PTPRB: variants seen among roughly 807,000 people sequenced by gnomAD.
PTPRB encodes the protein receptor-type tyrosine-protein phosphatase beta.
Under a neutral mutation model 238.1 loss-of-function variants are expected in PTPRB, and 97 were observed. That is an observed-to-expected ratio of 0.41 (90% confidence interval 0.35 to 0.48). The LOEUF (loss-of-function observed/expected upper bound fraction) is 0.48, where lower values mean the gene tolerates loss of function less well. Among genes scored for constraint, PTPRB ranks in the 20% least tolerant of loss-of-function variants. PTPRB has a pLI of 0.30. For missense variants in PTPRB, 2,292 were observed against 2,681.9 expected, an observed-to-expected ratio of 0.85 and a Z score of 3.21; for synonymous variants, 970 against 995.4, an observed-to-expected ratio of 0.97 and a Z score of 0.48.
intron 21 of PTPRB, among the ~76,000 whole-genome samples, chr12:70,549,140 G>A (rs1343137466): frequency 6.6e-6 from 1 of 152,142 alleles, no homozygotes; most frequent in African/African-American, 2.4e-5. Flanking sequence ...GCAATAAAAT[G>A]TGCTGAATAT....
intron 23 of PTPRB, 115 bp from the exon 24 acceptor site, chr12:70,540,137 TAC>T: frequency 2.4e-6 from 2 of 835,326 alleles, no homozygotes; most frequent in East Asian, 2.7e-5. Context: ...TCAGTATTCA[TAC>T]AGATTTGCAC....
At chr12:70,633,074 G>A (rs1391239626) in intron 2 of PTPRB, among the ~76,000 whole-genome samples, 1 of 152,174 alleles carries the variant, frequency 6.6e-6, no homozygotes, top group East Asian at 1.9e-4. Context: ...TTCTTTCATG[G>A]AAGAACACAC....
At chr12:70,539,507 A>G (rs896721547) in intron 26 of PTPRB, 118 bp downstream of exon 26, 4 of 797,072 alleles carry the variant, frequency 5.0e-6, no homozygotes, top group Admixed American at 4.9e-5. Context: ...CTCAGCTGAG[A>G]TTCTAAGCAG....
rs1262130905 is a variant in PTPRB at position 70,555,876 on chromosome 12, T to G, written c.4987A>C (p.Ile1663Leu). The G allele has an allele frequency of 6.2e-7, 1 of 1,612,282 alleles. No homozygotes were observed. The highest frequency in any genetic ancestry group is 8.5e-7 in the Non-Finnish European group (1 of 1,179,824). The change falls in exon 19 of 34, where the codon ATA becomes CTA. Residue 1663 changes from isoleucine (I) to leucine (L), a missense_variant. This residue lies in a region of PTPRB where 683 missense variants were observed against 862.0 expected (regional missense o/e 0.79). Transcript: ENST00000334414. ...EVVEDSTITM[I>L]DRPPPPPPHI... ...CACCTCCAGGGACACTTACGGTCTA[T>G]CATTGTGATAGTGCTGTCTTCAACC...
intron 14 of PTPRB, among the ~76,000 whole-genome samples, chr12:70,568,014 T>C (rs1879531245): frequency 6.6e-6 from 1 of 152,022 alleles, no homozygotes; most frequent in Non-Finnish European, 1.5e-5. Context: ...CTAAAAAAGG[T>C]GTAGGTTCCC....
At chr12:70,619,192 G>GTGTGTGTGTA (rs952702211) in intron 3 of PTPRB, among the ~76,000 whole-genome samples, 1 of 149,722 alleles carries the variant, frequency 6.7e-6, no homozygotes, top group South Asian at 2.1e-4. Context: ...GTGTGTGTGT[G>GTGTGTGTGTA]TATACTCTTC....
intron 18 of PTPRB, among the ~76,000 whole-genome samples, chr12:70,556,858 A>G (rs1877762218): frequency 6.6e-6 from 1 of 152,312 alleles, no homozygotes; most frequent in Non-Finnish European, 1.5e-5. Context: ...TGGAGTGAAC[A>G]CTTCTTTCAC....
At chr12:70,591,677 G>A (rs1468078632) in intron 7 of PTPRB, 3 of 152,252 alleles carry the variant, frequency 2.0e-5, no homozygotes, top group African/African-American at 4.8e-5. Context: ...AATATTTCAG[G>A]TTTTGCAGGA....
intron 15 of PTPRB, among the ~76,000 whole-genome samples, chr12:70,563,945 TG>T (rs1430635553): frequency 6.6e-6 from 1 of 152,174 alleles, no homozygotes; most frequent in African/African-American, 2.4e-5. Context: ...ATTCAGCTAT[TG>T]GTCCTTATCA....
At chr12:70,615,512 A>G (rs528837157) in intron 3 of PTPRB, among the ~76,000 whole-genome samples, 1 of 152,216 alleles carries the variant, frequency 6.6e-6, no homozygotes, top group African/African-American at 2.4e-5. Flanking sequence ...ATTTTGTTTT[A>G]ATTTGAAGGA....
chr12:70,603,727 T>C (rs1308492404), intron 4 of PTPRB, among the ~76,000 whole-genome samples: 1 of 152,200 alleles, frequency 6.6e-6, no homozygotes, highest in East Asian at 1.9e-4. Flanking sequence ...GAAAACCTCA[T>C]AACAACCCCA....
chr12:70,560,898 C>T lies in PTPRB; in HGVS notation c.4205G>A (p.Arg1402Gln), dbSNP rs539027371. ...ASVSHLRGSN[R>Q]NTTDSLWFNW... ...GAACCAAAGGCTGTCTGTCGTGTTC[C>T]GATTGGACCCCCTGAGATGACTCAC... The change falls in exon 17 of 34, where the codon CGG (arginine) becomes CAG (glutamine). Residue 1402 changes from arginine (R) to glutamine (Q), a missense_variant. Around this residue, in one of 4 missense-constraint regions of PTPRB, gnomAD observed 683 missense variants for 862.0 expected, o/e 0.79. Transcript: ENST00000334414. The surrounding 1 kb of genome is among the most constrained non-coding windows in gnomAD (Gnocchi z 4.2). 4.5e-4 allele frequency: 733 copies of T among 1,613,494 alleles called. 7 individuals are homozygous for T. In the South Asian group the frequency reaches 7.2e-3, roughly 16 times the overall value.
In PTPRB at chr12:70,576,416, C is replaced by G; in HGVS notation, c.2808G>C (p.Lys936Asn). 2 of 1,610,904 alleles carry G rather than the reference C, an allele frequency of 1.2e-6. No individual in the cohort carries two copies. The highest frequency in any genetic ancestry group is 1.7e-6 in the Non-Finnish European group (2 of 1,178,778). ...YTVTITTRSG[K>N]YENHSFSQER... is the part of the protein sequence containing the mutation. ...CTTGGCTGAAGGAGTGATTTTCATA[C>G]TTGCCACTCCTTGTAGTTATGGTCA... Residue 936 changes from lysine (K) to asparagine (N), a missense_variant, in exon 11 of 34, where the codon AAG (lysine) becomes AAC (asparagine). Lys to Asn is a moderately conservative substitution (Grantham distance 94). Transcript: ENST00000334414.
chr12:70,571,837 C>T lies in PTPRB; in HGVS notation c.3093G>A (p.Gly1031=), dbSNP rs1360586904. 6.2e-7 allele frequency: 1 copy of T among 1,612,892 alleles called. No individual in the cohort carries two copies. The highest frequency in any genetic ancestry group is 8.5e-7 in the Non-Finnish European group (1 of 1,179,206). Residue 1031 remains glycine (G), a synonymous_variant, in exon 12 of 34, where the codon GGG becomes GGA. Transcript: ENST00000334414. ...KSGQYEANEQ[G]NGRTIPEPVK... is the part of the protein sequence containing the mutation. The stretch of plus-strand genomic sequence containing the variant: ...CGTTCCACTTACTTGTTCTCCCATT[C>T]CCTTGTTCATTGGCTTCATATTGTC...
chr12:70,531,607 G>C (rs1873258323), intron 32 of PTPRB, among the ~76,000 whole-genome samples: 1 of 152,076 alleles, frequency 6.6e-6, no homozygotes, highest in African/African-American at 2.4e-5. Flanking sequence ...TGTCTCGCTT[G>C]GTTATTGTGA....
Position 70,566,469 on chromosome 12 carries a change from G to A in PTPRB, c.3870C>T (p.Leu1290=), listed in dbSNP as rs150600365. The A allele has an allele frequency of 6.2e-7, 1 of 1,613,974 alleles. No homozygotes were observed. Among genetic ancestry groups the A allele is most frequent in the African/African-American group, 1.3e-5 (1 of 75,050 alleles). The part of the protein sequence containing the change: ...KIQILTVSGG[L]FSKEAQTEGR... Reference sequence around the variant, plus strand: ...CTTCAGTCTGGGCTTCCTTGCTAAAGAGGCCTCCACTGACAGTTAGGATCT... The same window carrying A: ...CTTCAGTCTGGGCTTCCTTGCTAAAAAGGCCTCCACTGACAGTTAGGATCT... Residue 1290 remains leucine (L), a synonymous_variant, in exon 15 of 34, where the codon CTC becomes CTT. Coordinates refer to ENST00000334414, the MANE Select transcript of PTPRB (RefSeq NM_001109754.4).
chr12:70,572,775 T>TCAAA (rs1377784572), intron 11 of PTPRB, among the ~76,000 whole-genome samples: 3 of 93,970 alleles, frequency 3.2e-5, no homozygotes, highest in Non-Finnish European at 4.7e-5. Context: ...CTCCATCTCA[T>TCAAA]AAAAAAAAAA....
At chr12:70,632,584 A>G (rs1592613620) in intron 2 of PTPRB, among the ~76,000 whole-genome samples, 1 of 152,162 alleles carries the variant, frequency 6.6e-6, no homozygotes, top group East Asian at 1.9e-4. Flanking sequence ...TAATTAAAAA[A>G]AAAAAAGGAA....
chr12:70,573,505 CTTTTTTTT>C (rs937307862), intron 11 of PTPRB, among the ~76,000 whole-genome samples: 4 of 90,824 alleles, frequency 4.4e-5, no homozygotes, highest in African/African-American at 1.2e-4. Context: ...CTTTTCTTTT[CTTTTTTTT>C]TTTTTTTTTT....
Sources: allele counts gnomAD v4.1 joint callset (sites outside exome capture counted in the v4.1 genomes callset), GRCh38; gene constraint gnomAD v4.1.1; regional missense constraint gnomAD v4.1.1; non-coding constraint Gnocchi (gnomAD v3.1); transcripts MANE v1.5; gene names NCBI Gene and HGNC (gene_info 2026-07-23, HGNC 2026-07-21).